Variants in CEP350 observed in about 807,000 individuals in gnomAD.
CEP350 encodes the protein centrosome-associated protein 350.
Under a neutral mutation model 331.8 loss-of-function variants are expected in CEP350, and 126 were observed. The observed-to-expected ratio is 0.38, with a 90% CI of 0.33 to 0.44. The LOEUF (loss-of-function observed/expected upper bound fraction) is 0.44. Ranked by LOEUF, CEP350 falls within the 20% of genes least tolerant of loss-of-function variation. The probability of loss-of-function intolerance (pLI) is 1.00; values close to 1 mark genes in which losing one functional copy is unlikely to be tolerated. For synonymous variants in CEP350, 1,200 were observed against 1,259.5 expected (o/e 0.95, Z 1.00); for missense variants, 3,406 against 3,634.6 (o/e 0.94, Z 1.62).
chr1:180,017,504 ATT>A (rs1394118750), intron 11 of CEP350, among the ~76,000 whole-genome samples: 1 of 152,076 alleles, frequency 6.6e-6, no homozygotes, highest in Non-Finnish European at 1.5e-5. Flanking sequence ...CTTTCTCTGA[ATT>A]TCCTTCTAAT....
chr1:179,973,089 G>A (rs913547957), intron 1 of CEP350, among the ~76,000 whole-genome samples: 18 of 152,060 alleles, frequency 1.2e-4, no homozygotes, highest in Middle Eastern at 3.4e-3. Flanking sequence ...GGATGGTCTT[G>A]ATCTCCTGAC....
At chr1:180,043,407 A>G (rs1323490663) in intron 20 of CEP350, among the ~76,000 whole-genome samples, 1 of 152,208 alleles carries the variant, frequency 6.6e-6, no homozygotes, top group African/African-American at 2.4e-5. Context: ...AAAGAAGGGA[A>G]CACATGTCTC....
At chr1:180,007,967 T>C (rs2148778401) in intron 8 of CEP350, among the ~76,000 whole-genome samples, 1 of 152,032 alleles carries the variant, frequency 6.6e-6, no homozygotes. Flanking sequence ...AACCATTTGT[T>C]CACCATATAT....
intron 37 of CEP350, among the ~76,000 whole-genome samples, chr1:180,107,704 T>TC (rs1391061605): frequency 6.6e-6 from 1 of 152,120 alleles, no homozygotes; most frequent in African/African-American, 2.4e-5. Context: ...GTCTCTTTTT[T>TC]CCCAACTTGT....
chr1:180,083,819 T>C (rs988920818), intron 30 of CEP350, among the ~76,000 whole-genome samples, 199 bp from the exon 31 acceptor site: 1 of 151,878 alleles, frequency 6.6e-6, no homozygotes, highest in African/African-American at 2.4e-5. Flanking sequence ...AAAAATAAAG[T>C]GTATGTGGCG....
intron 1 of CEP350, among the ~76,000 whole-genome samples, chr1:179,974,167 C>G (rs1651670791): frequency 6.6e-6 from 1 of 151,938 alleles, no homozygotes; most frequent in Non-Finnish European, 1.5e-5. Flanking sequence ...GCAAGCTCTG[C>G]CTCTCGGGTT....
At chr1:180,033,751 T>A in intron 15 of CEP350, 111 bp from the exon 16 acceptor site, 1 of 1,110,822 alleles carries the variant, frequency 9.0e-7, no homozygotes, top group Non-Finnish European at 1.3e-6. Flanking sequence ...AAATCACAAC[T>A]TTTTAAAGCT....
chr1:180,089,531 C>T (rs1660049423), intron 32 of CEP350, among the ~76,000 whole-genome samples: 3 of 149,754 alleles, frequency 2.0e-5, no homozygotes, highest in Non-Finnish European at 3.0e-5. Flanking sequence ...TGCAGTGAGC[C>T]GAGATCACGC....
At chr1:180,055,291 TG>T (rs1016263494) in intron 25 of CEP350, among the ~76,000 whole-genome samples, 1 of 152,010 alleles carries the variant, frequency 6.6e-6, no homozygotes, top group Non-Finnish European at 1.5e-5. Flanking sequence ...TCTGTAGGAG[TG>T]GGATTATACT....
intron 16 of CEP350, among the ~76,000 whole-genome samples, chr1:180,036,132 C>A (rs1049940129): frequency 2.6e-5 from 4 of 152,236 alleles, no homozygotes; most frequent in South Asian, 4.1e-4. Flanking sequence ...AGCAAGAGAA[C>A]TAGAATTATA....
intron 28 of CEP350, among the ~76,000 whole-genome samples, chr1:180,076,064 G>A (rs1659206409): frequency 6.6e-6 from 1 of 151,942 alleles, no homozygotes; most frequent in Non-Finnish European, 1.5e-5. Context: ...TACTCAGTAA[G>A]ATAAGAGAAC....
Position 180,099,895 on chromosome 1 carries a change from C to T in CEP350, c.9189+910C>T, listed in dbSNP as rs563670048. Among the ~76,000 whole-genome samples, 4 of 151,216 alleles carry T rather than the reference C, an allele frequency of 2.6e-5. 1 individual carries two copies. In the South Asian group the frequency reaches 8.3e-4, roughly 32 times the overall value. ...CTGCCTCCCAGGTTCAAGTGATTCTCATGCCTCAACCTCCCGAGTAGCTGG... is the reference window on the plus strand; with the variant it reads ...CTGCCTCCCAGGTTCAAGTGATTCTTATGCCTCAACCTCCCGAGTAGCTGG... On this transcript the variant is annotated intron_variant, in intron 37 of 37. Coordinates refer to ENST00000367607, the MANE Select transcript of CEP350 (RefSeq NM_014810.5).
At chr1:180,069,382 A>G (rs897678734) in intron 27 of CEP350, among the ~76,000 whole-genome samples, 1 of 152,238 alleles carries the variant, frequency 6.6e-6, no homozygotes, top group African/African-American at 2.4e-5. Flanking sequence ...AATTTTAAAA[A>G]TGAAGGATTT....
At chr1:180,009,133 C>T (rs1347449456) in intron 8 of CEP350, among the ~76,000 whole-genome samples, 2 of 152,172 alleles carry the variant, frequency 1.3e-5, no homozygotes, top group African/African-American at 4.8e-5. Flanking sequence ...CCTCAGCCTC[C>T]TGAGTAGCTG....
chr1:179,985,798 C>G (rs1437102894), intron 1 of CEP350, among the ~76,000 whole-genome samples: 1 of 152,140 alleles, frequency 6.6e-6, no homozygotes, highest in South Asian at 2.1e-4. Flanking sequence ...CTGGTCCCGC[C>G]TATGACACTT....
rs1443741523 is a variant in CEP350 at position 179,986,266 on chromosome 1, T to C, written c.73+12T>C. On this transcript the variant is annotated intron_variant, in intron 2 of 37. Coordinates refer to ENST00000367607, the MANE Select transcript of CEP350 (RefSeq NM_014810.5). ...GGATACTGTTCAAGGTATGATTTTG[T>C]TTTTTTAAACAGAACTTAATACCTC... The C allele has an allele frequency of 2.6e-6, 4 of 1,546,006 alleles. No individual in the cohort carries two copies. In the Admixed American group the frequency reaches 7.9e-5, roughly 30 times the overall value.
chr1:180,110,578 T>A (rs1340113500), intron 37 of CEP350, among the ~76,000 whole-genome samples: 1 of 152,234 alleles, frequency 6.6e-6, no homozygotes, highest in Non-Finnish European at 1.5e-5. Context: ...GACTTAATGA[T>A]ATTTTCAATT....
rs564498132 is a variant in CEP350, at chr1:180,078,570, G to A, written c.5875G>A (p.Glu1959Lys). 11 of 1,613,456 alleles carry A rather than the reference G, an allele frequency of 6.8e-6. No homozygotes were observed. The East Asian group carries it at 1.1e-4, about 16-fold the overall frequency. ...CCCTGCTGTTGAATATGTACCATCC[G>A]AGTCTATAGGACAGGAGCAGCCAGG... ...GSPAVEYVPSESIGQEQPGSP... is the reference protein window; with the variant it reads ...GSPAVEYVPSKSIGQEQPGSP... The change falls in exon 29 of 38, where the codon GAG becomes AAG. Residue 1959 changes from glutamate to lysine, a missense_variant. Coordinates refer to ENST00000367607, the MANE Select transcript of CEP350 (RefSeq NM_014810.5).
At chr1:180,089,940 G>A (rs1660072204) in intron 32 of CEP350, among the ~76,000 whole-genome samples, 1 of 152,188 alleles carries the variant, frequency 6.6e-6, no homozygotes. Flanking sequence ...TTGTAAAAAG[G>A]TAGGACGTGA....
Sources: gnomAD v4.1 joint callset for allele counts (sites outside exome capture counted in the v4.1 genomes callset) on GRCh38, gnomAD v4.1.1 for gene constraint, MANE v1.5 for transcripts, NCBI Gene and HGNC (gene_info 2026-07-23, HGNC 2026-07-21) for gene names.